The following ENTREP2 variants were observed in gnomAD, a reference collection of about 807,000 sequenced individuals.
ENTREP2 encodes the protein protein ENTREP2.
chr15:29,586,352 G>C, the ENTREP2 span, among the ~76,000 whole-genome samples: 104,610 of 152,036 alleles, frequency 0.69, 36,327 homozygotes, highest in South Asian at 0.79. Flanking sequence ...GTTTCTTTTT[G>C]AGGTGACAAA....
At chr15:29,277,523 G>A in the ENTREP2 span, among the ~76,000 whole-genome samples, 1 of 152,162 alleles carries the variant, frequency 6.6e-6, no homozygotes, top group African/African-American at 2.4e-5. Context: ...AGGGTGGTTT[G>A]AGGATCCCCG....
the ENTREP2 span, among the ~76,000 whole-genome samples, chr15:29,300,829 C>T: frequency 7.2e-5 from 11 of 152,174 alleles, no homozygotes; most frequent in East Asian, 1.2e-3. Flanking sequence ...GATCTCTTGA[C>T]CTCGTGATCT....
the ENTREP2 span, among the ~76,000 whole-genome samples, chr15:29,649,589 T>C: frequency 6.6e-6 from 1 of 151,518 alleles, no homozygotes; most frequent in African/African-American, 2.4e-5. Flanking sequence ...GGCGTGGTGA[T>C]GTGTGCCTGT....
At chr15:29,309,927 T>A in the ENTREP2 span, among the ~76,000 whole-genome samples, 3 of 152,212 alleles carry the variant, frequency 2.0e-5, no homozygotes, top group South Asian at 6.2e-4. Context: ...GACCTGGGCA[T>A]AGGACTGAGA....
the ENTREP2 span, among the ~76,000 whole-genome samples, chr15:29,630,927 C>T: frequency 4.6e-5 from 7 of 152,210 alleles, no homozygotes; most frequent in Non-Finnish European, 8.8e-5. Flanking sequence ...AGGTGATCCC[C>T]CGCCTCGGCC....
At chr15:29,558,495 C>A in the ENTREP2 span, among the ~76,000 whole-genome samples, 1 of 151,466 alleles carries the variant, frequency 6.6e-6, no homozygotes, top group African/African-American at 2.4e-5. Flanking sequence ...CGGCCGGTCA[C>A]CCATCTTCTG....
chr15:29,399,067 G>A, the ENTREP2 span, among the ~76,000 whole-genome samples: 1 of 152,244 alleles, frequency 6.6e-6, no homozygotes, highest in Non-Finnish European at 1.5e-5. Context: ...GGGCTGCCAT[G>A]TGGTGAGATG....
chr15:29,127,368 C>A, the ENTREP2 span, among the ~76,000 whole-genome samples: 1 of 152,176 alleles, frequency 6.6e-6, no homozygotes, highest in African/African-American at 2.4e-5. Context: ...TCATAGATCA[C>A]AGAAGCCTGG....
the ENTREP2 span, among the ~76,000 whole-genome samples, chr15:29,522,410 C>T: frequency 6.6e-6 from 1 of 152,078 alleles, no homozygotes; most frequent in Admixed American, 6.5e-5. Flanking sequence ...AACAAAAATG[C>T]CAGAGTTGAA....
At chr15:29,447,509 A>G in the ENTREP2 span, among the ~76,000 whole-genome samples, 15 of 152,190 alleles carry the variant, frequency 9.9e-5, no homozygotes, top group Non-Finnish European at 2.1e-4. Flanking sequence ...TCTGTTGCCC[A>G]GGCTGGAGTG....
At chr15:29,239,481 G>C in the ENTREP2 span, among the ~76,000 whole-genome samples, 7 of 152,080 alleles carry the variant, frequency 4.6e-5, no homozygotes, top group Non-Finnish European at 8.8e-5. Context: ...AGATCTCCCA[G>C]GGACACCCCT....
chr15:29,467,033 A>C, the ENTREP2 span, among the ~76,000 whole-genome samples: 7 of 141,852 alleles, frequency 4.9e-5, no homozygotes, highest in South Asian at 1.6e-3. Flanking sequence ...CCAGGGGTGG[A>C]TGCTGATGGC....
At chr15:29,410,039 T>A in the ENTREP2 span, among the ~76,000 whole-genome samples, 1 of 152,212 alleles carries the variant, frequency 6.6e-6, no homozygotes, top group African/African-American at 2.4e-5. Flanking sequence ...AGGTCTGGAT[T>A]CACAGACTTT....
chr15:29,319,310 G>A, the ENTREP2 span, among the ~76,000 whole-genome samples: 3 of 152,206 alleles, frequency 2.0e-5, no homozygotes, highest in Admixed American at 6.5e-5. Flanking sequence ...TTAAAGCACT[G>A]ACCATTCTTT....
the ENTREP2 span, among the ~76,000 whole-genome samples, chr15:29,276,164 G>A: frequency 6.6e-6 from 1 of 152,144 alleles, no homozygotes; most frequent in African/African-American, 2.4e-5. Context: ...TGGTGGAAGC[G>A]GGTGGAGAGG....
At chr15:29,653,796 GT>G in the ENTREP2 span, among the ~76,000 whole-genome samples, 1 of 151,142 alleles carries the variant, frequency 6.6e-6, no homozygotes, top group Non-Finnish European at 1.5e-5. Flanking sequence ...CCTTATTCAT[GT>G]TTTTTATTCT....
the ENTREP2 span, among the ~76,000 whole-genome samples, chr15:29,335,338 C>T: frequency 2.0e-5 from 3 of 152,208 alleles, no homozygotes; most frequent in African/African-American, 7.2e-5. Context: ...AATGTATCTT[C>T]CCACTGCAAA....
the ENTREP2 span, among the ~76,000 whole-genome samples, chr15:29,487,633 G>C: frequency 6.6e-6 from 1 of 152,174 alleles, no homozygotes. Flanking sequence ...AACAAACCCT[G>C]AGGTGGGGGA....
chr15:29,634,160 C>T, the ENTREP2 span, among the ~76,000 whole-genome samples: 2 of 152,066 alleles, frequency 1.3e-5, no homozygotes, highest in Non-Finnish European at 2.9e-5. Flanking sequence ...ATGCCAAGTG[C>T]CTGCTGTAGG....
Sources: allele counts gnomAD v4.1 joint callset (sites outside exome capture counted in the v4.1 genomes callset), GRCh38; gene constraint gnomAD v4.1.1; transcripts MANE v1.5; gene names NCBI Gene and HGNC (gene_info 2026-07-23, HGNC 2026-07-21).